The following NR1H4 variants were observed in gnomAD, a reference collection of about 807,000 sequenced individuals.
NR1H4 encodes nuclear receptor subfamily 1 group H member 4.
A neutral mutation model predicts 58.5 loss-of-function variants in NR1H4; 23 were observed. The observed-to-expected ratio is 0.39, with a 90% CI of 0.28 to 0.56. NR1H4 has a LOEUF of 0.56. NR1H4 is among the 20% of genes least tolerant of loss of function. The pLI, the probability that NR1H4 is intolerant of heterozygous loss-of-function variation, is 0.58. For synonymous variants in NR1H4, 214 were observed against 198.0 expected (o/e 1.08, Z -0.68); for missense variants, 487 against 576.9 (o/e 0.84, Z 1.60).
At chr12:100,490,836 G>T (rs1201939089) in intron 1 of NR1H4, among the ~76,000 whole-genome samples, 3 of 152,102 alleles carry the variant, frequency 2.0e-5, no homozygotes, top group African/African-American at 7.2e-5. Context: ...TGTCGTCCAG[G>T]CTGGAATGCA....
intron 9 of NR1H4, among the ~76,000 whole-genome samples, chr12:100,558,997 A>G (rs912435848): frequency 2.0e-5 from 3 of 152,230 alleles, no homozygotes; most frequent in African/African-American, 4.8e-5. Flanking sequence ...AAAATATTGC[A>G]TAATACATAA....
intron 5 of NR1H4, among the ~76,000 whole-genome samples, chr12:100,534,144 C>T (rs1241933729): frequency 5.3e-5 from 8 of 152,158 alleles, no homozygotes; most frequent in East Asian, 1.9e-4. Flanking sequence ...CCACCCGCCT[C>T]GGCCTCCCAA....
At chr12:100,511,292 T>C (rs1375836375) in intron 4 of NR1H4, 149 bp downstream of exon 4, 5 of 935,164 alleles carry the variant, frequency 5.3e-6, no homozygotes, top group Non-Finnish European at 8.6e-6. Flanking sequence ...ACCTTTGTTG[T>C]GTAGTCAAAG....
At chr12:100,488,990 A>G (rs995905903) in intron 1 of NR1H4, among the ~76,000 whole-genome samples, 2 of 152,218 alleles carry the variant, frequency 1.3e-5, no homozygotes, top group African/African-American at 4.8e-5. Context: ...AGGAAAAAAG[A>G]CTATAGAGCT....
chr12:100,509,929 A>G (rs1449590262), intron 3 of NR1H4, among the ~76,000 whole-genome samples: 1 of 152,254 alleles, frequency 6.6e-6, no homozygotes, highest in Non-Finnish European at 1.5e-5. Context: ...ACACACACAC[A>G]CACACACACA....
At chr12:100,520,141 G>A (rs899210318) in intron 4 of NR1H4, among the ~76,000 whole-genome samples, 9 of 152,078 alleles carry the variant, frequency 5.9e-5, no homozygotes, top group African/African-American at 2.2e-4. Flanking sequence ...TGACCCCGCA[G>A]CCCACTTCCC....
intron 4 of NR1H4, among the ~76,000 whole-genome samples, chr12:100,530,369 A>G (rs1954662378): frequency 6.6e-6 from 1 of 152,226 alleles, no homozygotes; most frequent in African/African-American, 2.4e-5. Flanking sequence ...TAAAATTGAT[A>G]TAAGAATTAC....
At chr12:100,521,876 A>G (rs1471678050) in intron 4 of NR1H4, among the ~76,000 whole-genome samples, 1 of 152,186 alleles carries the variant, frequency 6.6e-6, no homozygotes, top group Non-Finnish European at 1.5e-5. Context: ...CTAGAGGTCA[A>G]ATTATCTTGG....
At chr12:100,541,421 A>G (rs1954932326) in intron 9 of NR1H4, among the ~76,000 whole-genome samples, 1 of 151,634 alleles carries the variant, frequency 6.6e-6, no homozygotes, top group South Asian at 2.1e-4. Context: ...AGCCAGGATT[A>G]TAGGCATGTA....
intron 5 of NR1H4, among the ~76,000 whole-genome samples, chr12:100,533,466 T>G (rs568036605): frequency 4.3e-4 from 66 of 152,134 alleles, no homozygotes; most frequent in Non-Finnish European, 7.7e-4. Context: ...TGCATGCAGG[T>G]TGGGGGAAAA....
intron 1 of NR1H4, among the ~76,000 whole-genome samples, chr12:100,477,864 C>T (rs940885446): frequency 1.3e-5 from 2 of 152,168 alleles, no homozygotes; most frequent in African/African-American, 4.8e-5. Context: ...AAGATTCTTG[C>T]TCTCCTGGAG....
At chr12:100,553,727 C>T (rs897956731) in intron 9 of NR1H4, among the ~76,000 whole-genome samples, 2 of 152,242 alleles carry the variant, frequency 1.3e-5, no homozygotes, top group African/African-American at 4.8e-5. Context: ...TCCATCTCAT[C>T]TTTCTGCTTT....
At chr12:100,478,022 A>G (rs995737897) in intron 1 of NR1H4, among the ~76,000 whole-genome samples, 2 of 152,188 alleles carry the variant, frequency 1.3e-5, no homozygotes, top group African/African-American at 4.8e-5. Flanking sequence ...ACATGTTATT[A>G]TACACTTGTC....
At chr12:100,528,289 C>A (rs763002118) in intron 4 of NR1H4, among the ~76,000 whole-genome samples, 24 of 151,860 alleles carry the variant, frequency 1.6e-4, no homozygotes, top group Admixed American at 3.9e-4. Context: ...AGTGCCTGAA[C>A]TCAGGAAGCA....
intron 4 of NR1H4, among the ~76,000 whole-genome samples, chr12:100,527,935 A>G (rs1314782619): frequency 6.6e-6 from 1 of 152,208 alleles, no homozygotes; most frequent in East Asian, 1.9e-4. Context: ...TGAATAGGAA[A>G]TGAATTGCCA....
At chr12:100,507,056 A>G (rs1953983225) in intron 3 of NR1H4, among the ~76,000 whole-genome samples, 1 of 152,126 alleles carries the variant, frequency 6.6e-6, no homozygotes, top group Non-Finnish European at 1.5e-5. Flanking sequence ...ATATGAGGAG[A>G]AAAAAAGTAC....
chr12:100,475,394 G>GTA (rs1175615773), intron 1 of NR1H4, among the ~76,000 whole-genome samples: 1 of 152,248 alleles, frequency 6.6e-6, no homozygotes, highest in Admixed American at 6.5e-5. Context: ...AACTGATAAA[G>GTA]TACTGGCCAG....
intron 4 of NR1H4, among the ~76,000 whole-genome samples, chr12:100,517,867 C>G (rs907022302): frequency 5.3e-5 from 8 of 152,138 alleles, no homozygotes; most frequent in African/African-American, 1.9e-4. Context: ...ATAAGAGCTT[C>G]AAAACTATAG....
In NR1H4 at chr12:100,495,583, T is replaced by C. The variant is rs139054492; in HGVS notation, c.79+2181T>C. ...CTGTCTCTACTAAAAATACAAAAAT[T>C]AGCTTGGTGTGGTGGTGCATGCCTA... On this transcript the variant is annotated intron_variant, in intron 3 of 10. Transcript: ENST00000392986. 3.1e-4 allele frequency among the ~76,000 whole-genome samples: 47 copies of C among 151,994 alleles called. 2 individuals carry two copies. The East Asian group carries it at 8.9e-3, about 29-fold the overall frequency.
Sources: gnomAD v4.1 joint callset for allele counts (sites outside exome capture counted in the v4.1 genomes callset) on GRCh38, gnomAD v4.1.1 for gene constraint, MANE v1.5 for transcripts, NCBI Gene and HGNC (gene_info 2026-07-23, HGNC 2026-07-21) for gene names.